LRRC4C: variants seen among roughly 807,000 people sequenced by gnomAD.
LRRC4C encodes leucine-rich repeat-containing protein 4C.
In LRRC4C, 5 loss-of-function variants were observed where a neutral mutation model predicts 33.6. The observed-to-expected ratio is 0.15, with a 90% CI of 0.08 to 0.31. The LOEUF (loss-of-function observed/expected upper bound fraction) is 0.31. Ranked by LOEUF, LRRC4C falls within the 10% of genes least tolerant of loss-of-function variation. The pLI is 1.00. For synonymous variants in LRRC4C, 329 were observed against 302.0 expected, an observed-to-expected ratio of 1.09 and a Z score of -0.93; for missense variants, 560 against 796.7, an observed-to-expected ratio of 0.70 and a Z score of 3.58.
chr11:40,318,515 C>G (rs188970535), intron 4 of LRRC4C, among the ~76,000 whole-genome samples: 1 of 152,282 alleles, frequency 6.6e-6, no homozygotes, highest in East Asian at 1.9e-4. Context: ...GGTTCACAGT[C>G]TTGCACCAAG....
chr11:40,359,250 A>G (rs761008272), intron 3 of LRRC4C, among the ~76,000 whole-genome samples: 5 of 152,216 alleles, frequency 3.3e-5, no homozygotes, highest in Non-Finnish European at 7.3e-5. Context: ...GCTATGAATT[A>G]GGCAAGCCAA....
intron 1 of LRRC4C, among the ~76,000 whole-genome samples, chr11:41,115,830 AT>A (rs1337435282): frequency 3.9e-5 from 6 of 152,114 alleles, no homozygotes; most frequent in Admixed American, 2.6e-4. Flanking sequence ...CAATCTCATT[AT>A]TGCAGCCTTG....
intron 1 of LRRC4C, among the ~76,000 whole-genome samples, chr11:41,394,127 G>A (rs1953712012): frequency 6.6e-6 from 1 of 151,918 alleles, no homozygotes; most frequent in Non-Finnish European, 1.5e-5. Flanking sequence ...TCTGACTGTG[G>A]AGGTTTGATG....
intron 3 of LRRC4C, among the ~76,000 whole-genome samples, chr11:40,443,244 C>G (rs1312303790): frequency 6.6e-6 from 1 of 152,060 alleles, no homozygotes; most frequent in East Asian, 1.9e-4. Flanking sequence ...AGAAATTTCC[C>G]CTGTAGTTGG....
Position 41,023,566 on chromosome 11 carries a change from T to C in LRRC4C, c.-495-89843A>G, listed in dbSNP as rs575661620. On this transcript the variant is annotated intron_variant, in intron 1 of 6. Transcript: ENST00000528697. Reference sequence around the variant, plus strand: ...AGAATAACATTCTCAGCAGAGCAGCTCCAGAATTTCTAGGCATAAGGAGCT... The same window carrying C: ...AGAATAACATTCTCAGCAGAGCAGCCCCAGAATTTCTAGGCATAAGGAGCT... Among the ~76,000 whole-genome samples the C allele has an allele frequency of 2.1e-4, 32 of 151,906 alleles. No individual in the cohort carries two copies. In the South Asian group the frequency reaches 6.6e-3, roughly 32 times the overall value.
At chr11:40,227,391 T>C (rs1246611502) in intron 5 of LRRC4C, among the ~76,000 whole-genome samples, 1 of 152,248 alleles carries the variant, frequency 6.6e-6, no homozygotes, top group African/African-American at 2.4e-5. Flanking sequence ...TGTATCTCTA[T>C]TCTCTCTTCC....
Position 40,431,003 on chromosome 11 carries a change from G to T in LRRC4C, c.-269-111282C>A, listed in dbSNP as rs2861920. On this transcript the variant is annotated intron_variant, in intron 3 of 6. Transcript: ENST00000528697. ...GGGAGATATACCTAATGCTAGATGA[G>T]GAGTTAGTGGGTGCAGCGCACCAGC... Among the ~76,000 whole-genome samples, 10 of 142,070 alleles carry T rather than the reference G, an allele frequency of 7.0e-5. 1 individual carries two copies. Among genetic ancestry groups the T allele is most frequent in the Admixed American group, 4.2e-4 (6 of 14,150 alleles). The allele number at this position is 142,070 out of a possible 152,430, so 93.2% of individuals were successfully genotyped here. A position where few individuals can be genotyped will look rare whatever the true frequency, so the allele number is the denominator to read the frequency against.
Position 41,426,142 on chromosome 11 carries a change from G to T in LRRC4C, c.-496+33289C>A, listed in dbSNP as rs1050792306. ...CCTTCAGGACAGTTATGGGAATCACGGAATGAAGCCAGCACTATGCAGAAT... is the reference window on the plus strand; with the variant it reads ...CCTTCAGGACAGTTATGGGAATCACTGAATGAAGCCAGCACTATGCAGAAT... On this transcript the variant is annotated intron_variant, in intron 1 of 6. Coordinates refer to ENST00000528697, the MANE Select transcript of LRRC4C (RefSeq NM_001258419.2). 2.0e-5 allele frequency: 3 copies of T among 152,190 alleles called. No homozygotes were observed. The South Asian group carries it at 6.2e-4, about 32-fold the overall frequency. The allele number at this position is 152,190 out of a possible 1,614,324, so 9.4% of individuals were successfully genotyped here. A position where few individuals can be genotyped will look rare whatever the true frequency, so the allele number is the denominator to read the frequency against.
chr11:40,428,056 T>A (rs979305475), intron 3 of LRRC4C, among the ~76,000 whole-genome samples: 1 of 152,160 alleles, frequency 6.6e-6, no homozygotes, highest in Non-Finnish European at 1.5e-5. Context: ...TTCTCAAGAA[T>A]TGCTTCCTTC....
intron 3 of LRRC4C, among the ~76,000 whole-genome samples, chr11:40,341,529 G>T (rs1427123233): frequency 1.4e-5 from 2 of 145,084 alleles, no homozygotes; most frequent in Admixed American, 7.1e-5. Flanking sequence ...ACACACTGGG[G>T]CCTGTTGTGG....
At chr11:40,858,011 A>G (rs28595110) in intron 2 of LRRC4C, among the ~76,000 whole-genome samples, 86,493 of 114,224 alleles carry the variant, frequency 0.76, 32,430 homozygotes, top group East Asian at 0.84. Context: ...GACAGGGACA[A>G]GGAAAGGAAG....
At chr11:41,330,426 A>C (rs1234406514) in intron 1 of LRRC4C, among the ~76,000 whole-genome samples, 1 of 152,142 alleles carries the variant, frequency 6.6e-6, no homozygotes, top group African/African-American at 2.4e-5. Flanking sequence ...CTTTAATTTA[A>C]ATTGTTGAGT....
At chr11:41,250,530 T>C (rs1948605396) in intron 1 of LRRC4C, among the ~76,000 whole-genome samples, 1 of 152,192 alleles carries the variant, frequency 6.6e-6, no homozygotes, top group Admixed American at 6.5e-5. Context: ...GAAATATTGA[T>C]TTAGAGAAAT....
intron 5 of LRRC4C, among the ~76,000 whole-genome samples, chr11:40,202,304 GT>G (rs950934978): frequency 2.4e-3 from 341 of 140,460 alleles, no homozygotes; most frequent in African/African-American, 8.5e-3. Flanking sequence ...TTTTGTTTTT[GT>G]TTTTTTTTAA....
intron 5 of LRRC4C, among the ~76,000 whole-genome samples, chr11:40,220,201 C>A (rs763298530): frequency 1.1e-4 from 17 of 152,258 alleles, no homozygotes; most frequent in Non-Finnish European, 2.2e-4. Flanking sequence ...TTCCTGTTAT[C>A]ATTTATCTCC....
At chr11:40,684,110 T>G (rs1400039243) in intron 2 of LRRC4C, among the ~76,000 whole-genome samples, 4 of 152,186 alleles carry the variant, frequency 2.6e-5, no homozygotes, top group Non-Finnish European at 5.9e-5. Context: ...AATGAAAATT[T>G]AGCAGATGTA....
intron 5 of LRRC4C, among the ~76,000 whole-genome samples, chr11:40,169,594 T>C (rs1041410113): frequency 2.6e-5 from 4 of 152,176 alleles, no homozygotes; most frequent in African/African-American, 9.7e-5. Context: ...AATACTTTGA[T>C]TTCATAACAC....
intron 1 of LRRC4C, among the ~76,000 whole-genome samples, chr11:40,983,401 C>A (rs1852681771): frequency 6.6e-6 from 1 of 152,110 alleles, no homozygotes; most frequent in Non-Finnish European, 1.5e-5. Flanking sequence ...AAATCCAAAC[C>A]TATATAAACT....
intron 1 of LRRC4C, among the ~76,000 whole-genome samples, chr11:41,092,287 G>A (rs1232286277): frequency 6.6e-6 from 1 of 151,962 alleles, no homozygotes. Context: ...ATAAGTCTCG[G>A]AGGAAGTAGA....
Sources: gnomAD v4.1 joint callset for allele counts (sites outside exome capture counted in the v4.1 genomes callset) on GRCh38, gnomAD v4.1.1 for gene constraint, MANE v1.5 for transcripts, NCBI Gene and HGNC (gene_info 2026-07-23, HGNC 2026-07-21) for gene names.